The following BTBD9 variants were observed in gnomAD, a reference collection of about 807,000 sequenced individuals.
BTBD9 encodes the protein BTB/POZ domain-containing protein 9.
Under a neutral mutation model 64.3 loss-of-function variants are expected in BTBD9, and 49 were observed. The ratio of observed to expected loss-of-function variants is 0.76; its 90% CI spans 0.61 to 0.97. BTBD9 has a LOEUF of 0.97. Ranked by LOEUF, BTBD9 falls within the 50% of genes least tolerant of loss-of-function variation. The pLI is 0.00. For synonymous variants in BTBD9, 260 were observed against 274.7 expected, an observed-to-expected ratio of 0.95 and a Z score of 0.53; for missense variants, 598 against 762.1, an observed-to-expected ratio of 0.78 and a Z score of 2.53.
intron 6 of BTBD9, among the ~76,000 whole-genome samples, chr6:38,372,593 G>T (rs1398577585): frequency 6.6e-6 from 1 of 152,192 alleles, no homozygotes; most frequent in Non-Finnish European, 1.5e-5. Flanking sequence ...ATACTTTTCT[G>T]TGTTTACTTT....
intron 6 of BTBD9, among the ~76,000 whole-genome samples, chr6:38,355,431 T>C (rs562428718): frequency 6.6e-6 from 1 of 152,220 alleles, no homozygotes; most frequent in African/African-American, 2.4e-5. Context: ...TTTTTTCCCC[T>C]CCCCAAAGCT....
chr6:38,392,250 A>G (rs1366003966), intron 6 of BTBD9, among the ~76,000 whole-genome samples: 1 of 152,138 alleles, frequency 6.6e-6, no homozygotes, highest in Non-Finnish European at 1.5e-5. Context: ...ACGGAGTCAA[A>G]GAAGAAAAGG....
intron 9 of BTBD9, among the ~76,000 whole-genome samples, chr6:38,214,663 C>T (rs1231642338): frequency 6.6e-6 from 1 of 152,100 alleles, no homozygotes; most frequent in Non-Finnish European, 1.5e-5. Context: ...CCAGCAACCC[C>T]AGAGATTCCC....
chr6:38,194,082 C>T (rs906502956), intron 9 of BTBD9, among the ~76,000 whole-genome samples: 1 of 150,730 alleles, frequency 6.6e-6, no homozygotes, highest in African/African-American at 2.4e-5. Flanking sequence ...TCTCGGTGGG[C>T]GACTGCTGTC....
intron 9 of BTBD9, among the ~76,000 whole-genome samples, chr6:38,254,519 C>T (rs1211869694): frequency 2.6e-5 from 4 of 152,012 alleles, no homozygotes; most frequent in Non-Finnish European, 4.4e-5. Flanking sequence ...CAGCTATAGT[C>T]CCAGCTGCCT....
At chr6:38,359,477 C>A (rs975000106) in intron 6 of BTBD9, among the ~76,000 whole-genome samples, 2 of 152,160 alleles carry the variant, frequency 1.3e-5, no homozygotes, top group Admixed American at 6.5e-5. Flanking sequence ...GAAGCACAAG[C>A]CATCTAGCCC....
At chr6:38,333,994 T>A (rs1332353311) in intron 7 of BTBD9, among the ~76,000 whole-genome samples, 1 of 152,208 alleles carries the variant, frequency 6.6e-6, no homozygotes, top group East Asian at 1.9e-4. Flanking sequence ...CTGATAGTGA[T>A]GTGACAGTGA....
At chr6:38,315,791 T>C (rs1052888732) in intron 7 of BTBD9, among the ~76,000 whole-genome samples, 2 of 152,222 alleles carry the variant, frequency 1.3e-5, no homozygotes, top group Non-Finnish European at 2.9e-5. Flanking sequence ...TCTGCAGCTG[T>C]TGGATGAAAT....
At chr6:38,426,981 C>A (rs925947136) in intron 6 of BTBD9, among the ~76,000 whole-genome samples, 4 of 151,656 alleles carry the variant, frequency 2.6e-5, no homozygotes, top group Admixed American at 2.0e-4. Context: ...AGCTTCAATT[C>A]CCCATCTCCC....
chr6:38,624,683 GA>G (rs11379719), intron 1 of BTBD9, among the ~76,000 whole-genome samples: 2,411 of 144,170 alleles, frequency 0.017, 63 homozygotes, highest in African/African-American at 0.057. Context: ...CCCCCATCCA[GA>G]AAAAAAAAAC....
intron 8 of BTBD9, among the ~76,000 whole-genome samples, chr6:38,285,711 G>C (rs1392922815): frequency 1.3e-5 from 2 of 152,160 alleles, no homozygotes; most frequent in Admixed American, 6.5e-5. Context: ...AAGTCAAAGA[G>C]AGTATCTAGT....
At chr6:38,342,740 C>T (rs960639310) in intron 7 of BTBD9, among the ~76,000 whole-genome samples, 1 of 152,144 alleles carries the variant, frequency 6.6e-6, no homozygotes, top group Non-Finnish European at 1.5e-5. Flanking sequence ...TTTTGACATA[C>T]CTGTACCCCC....
intron 9 of BTBD9, among the ~76,000 whole-genome samples, chr6:38,231,830 C>A (rs528219594): frequency 6.6e-6 from 1 of 152,192 alleles, no homozygotes; most frequent in Non-Finnish European, 1.5e-5. Flanking sequence ...TTGCCCTTCT[C>A]TCACCCATAA....
intron 10 of BTBD9, among the ~76,000 whole-genome samples, chr6:38,182,402 T>C (rs1000891871): frequency 2.0e-5 from 3 of 152,194 alleles, no homozygotes; most frequent in Non-Finnish European, 4.4e-5. Flanking sequence ...AGAGGTATCT[T>C]TTAGTTATTT....
chr6:38,435,810 A>G (rs1054536981), intron 6 of BTBD9, among the ~76,000 whole-genome samples: 1 of 151,168 alleles, frequency 6.6e-6, no homozygotes, highest in African/African-American at 2.5e-5. Context: ...CTGGGATTAC[A>G]GGTGCCCGCC....
chr6:38,302,485 G>GTATGTGTGTGTATATA lies in BTBD9; in HGVS notation c.1265-14025_1265-14024insTATATACACACACATA, dbSNP rs1384155514. Reference sequence around the variant, plus strand: ...CTGAATAATATTCCATTGTGTGTATGTATATATATATATATATATATATAT... The same window carrying GTATGTGTGTGTATATA: ...CTGAATAATATTCCATTGTGTGTATGTATGTGTGTGTATATATATATATATATATATATATATATAT... On this transcript the variant is annotated intron_variant, in intron 7 of 10. Coordinates refer to ENST00000481247, the MANE Select transcript of BTBD9 (RefSeq NM_001099272.2). Among the ~76,000 whole-genome samples the GTATGTGTGTGTATATA allele has an allele frequency of 1.6e-3, 173 of 106,884 alleles. 4 individuals are homozygous for GTATGTGTGTGTATATA. The highest frequency in any genetic ancestry group is 5.7e-3 in the African/African-American group (162 of 28,226). 70.1% of individuals were successfully genotyped at this position (106,884 alleles called of 152,430 possible).
intron 10 of BTBD9, among the ~76,000 whole-genome samples, chr6:38,187,640 G>GA (rs1164744399): frequency 1.9e-4 from 29 of 152,284 alleles, no homozygotes; most frequent in African/African-American, 6.3e-4. Flanking sequence ...GGGGGGGAGT[G>GA]AAAGTGGAGT....
rs146943584 is a variant in BTBD9, at chr6:38,443,499, A to G, written c.1155-98406T>C. Among the ~76,000 whole-genome samples the G allele has an allele frequency of 3.5e-4, 53 of 152,248 alleles. No homozygotes were observed. The East Asian group carries it at 7.1e-3, about 21-fold the overall frequency. ...CTCGTATTTCCCAATTTCCCACTAT[A>G]AAGGGCATACAGTGCTACCACTTCC... On this transcript the variant is annotated intron_variant, in intron 6 of 10. Coordinates refer to ENST00000481247, the MANE Select transcript of BTBD9 (RefSeq NM_001099272.2).
intron 9 of BTBD9, among the ~76,000 whole-genome samples, chr6:38,224,229 T>G (rs1763311787): frequency 6.6e-6 from 1 of 152,002 alleles, no homozygotes; most frequent in South Asian, 2.1e-4. Flanking sequence ...AAAAAAAAAC[T>G]TATGAGGTAT....
Sources: gnomAD v4.1 joint callset for allele counts (sites outside exome capture counted in the v4.1 genomes callset) on GRCh38, gnomAD v4.1.1 for gene constraint, MANE v1.5 for transcripts, NCBI Gene and HGNC (gene_info 2026-07-23, HGNC 2026-07-21) for gene names.